PRKN: variants seen among roughly 807,000 people sequenced by gnomAD.
PRKN encodes the protein E3 ubiquitin-protein ligase parkin.
In PRKN, 56 loss-of-function variants were observed where a neutral mutation model predicts 59.5. That is an observed-to-expected ratio of 0.94 (90% confidence interval 0.76 to 1.18). PRKN has a LOEUF of 1.18. Among genes scored for constraint, PRKN ranks in the 50% most tolerant of loss-of-function variants. The probability of loss-of-function intolerance (pLI) is 0.00; values close to 1 mark genes in which losing one functional copy is unlikely to be tolerated. For missense variants in PRKN, 657 were observed against 596.4 expected (o/e 1.10, Z -1.06); for synonymous variants, 250 against 222.1 (o/e 1.13, Z -1.12).
chr6:161,370,607 A>AAAAAAAAAAG (rs1296571210), intron 10 of PRKN, among the ~76,000 whole-genome samples: 1 of 150,852 alleles, frequency 6.6e-6, no homozygotes, highest in African/African-American at 2.4e-5. Context: ...AAAAAAAAAA[A>AAAAAAAAAAG]AAAAGCCGAA....
intron 4 of PRKN, among the ~76,000 whole-genome samples, chr6:162,184,626 C>A (rs746002807): frequency 1.3e-5 from 2 of 152,128 alleles, no homozygotes; most frequent in East Asian, 3.9e-4. Context: ...CCTAGCCATG[C>A]GGAACTGTGA....
At chr6:161,418,252 GAGA>G (rs1311483808) in intron 9 of PRKN, among the ~76,000 whole-genome samples, 1 of 152,240 alleles carries the variant, frequency 6.6e-6, no homozygotes, top group Non-Finnish European at 1.5e-5. Context: ...ACTCCACGGA[GAGA>G]AGAAGAACAG....
At chr6:162,169,291 C>T (rs1313570650) in intron 4 of PRKN, among the ~76,000 whole-genome samples, 2 of 152,164 alleles carry the variant, frequency 1.3e-5, no homozygotes, top group Non-Finnish European at 2.9e-5. Flanking sequence ...AATCATTTAG[C>T]ATTTCTTTCC....
At chr6:162,595,417 G>A (rs1237559422) in intron 1 of PRKN, among the ~76,000 whole-genome samples, 3 of 151,602 alleles carry the variant, frequency 2.0e-5, no homozygotes, top group East Asian at 4.0e-4. Flanking sequence ...CACCACACCC[G>A]GCTAGTTTTT....
chr6:162,095,339 T>G (rs901248797), intron 4 of PRKN, among the ~76,000 whole-genome samples: 2 of 152,194 alleles, frequency 1.3e-5, no homozygotes, highest in Non-Finnish European at 2.9e-5. Flanking sequence ...GGTTTCATTC[T>G]TATTGCCCTT....
At position 162,008,164 on chromosome 6, in the gene PRKN, A is replaced by G. The variant is rs139251748; in HGVS notation, c.619-34747T>C. On this transcript the variant is annotated intron_variant, in intron 5 of 11. Coordinates refer to ENST00000366898, the MANE Select transcript of PRKN (RefSeq NM_004562.3). ...AAGTTTACTATGAAAATTCCTGTAA[A>G]CTCTCAGGAGACTATAGAAGTCAAG... is the stretch of plus-strand genomic sequence containing the variant. Among the ~76,000 whole-genome samples, 61 of 152,232 alleles carry G rather than the reference A, an allele frequency of 4.0e-4. No individual in the cohort carries two copies. In the East Asian group the frequency reaches 0.011, roughly 28 times the overall value.
intron 5 of PRKN, among the ~76,000 whole-genome samples, chr6:161,984,727 A>C (rs1409498636): frequency 6.6e-6 from 1 of 152,178 alleles, no homozygotes; most frequent in African/African-American, 2.4e-5. Flanking sequence ...AATTTTTCAG[A>C]GCAAATGCTT....
At chr6:162,182,079 C>A (rs2128323371) in intron 4 of PRKN, among the ~76,000 whole-genome samples, 1 of 151,956 alleles carries the variant, frequency 6.6e-6, no homozygotes, top group Non-Finnish European at 1.5e-5. Context: ...AAGAAAGGAA[C>A]TGCATGCAAA....
rs1371264287 is a variant in PRKN, at chr6:161,407,309, T to C, written c.1084-20432A>G. 6.6e-6 allele frequency among the ~76,000 whole-genome samples: 1 copy of C among 151,924 alleles called. No homozygotes were observed. Among genetic ancestry groups the C allele is most frequent in the Admixed American group, 6.6e-5 (1 of 15,250 alleles). On this transcript the variant is annotated intron_variant, in intron 9 of 11. Transcript: ENST00000366898. The surrounding 1 kb of genome is among the most constrained non-coding windows in gnomAD (Gnocchi z 4.9). ...AATAAGAAACAATATTGCTTCTCAT[T>C]TGGCAAAGCTGAAAAGGGAGGGGCT... is the stretch of plus-strand genomic sequence containing the variant.
Position 162,503,136 on chromosome 6 carries a change from C to CTTTTTTTTTTTTTT in PRKN, c.8-59677_8-59664dup, listed in dbSNP as rs10629175. Among the ~76,000 whole-genome samples the CTTTTTTTTTTTTTT allele has an allele frequency of 1.4e-3, 117 of 81,092 alleles. 3 individuals are homozygous for CTTTTTTTTTTTTTT. Among genetic ancestry groups the CTTTTTTTTTTTTTT allele is most frequent in the African/African-American group, 5.4e-3 (108 of 19,914 alleles). 53.2% of individuals were successfully genotyped at this position (81,092 alleles called of 152,430 possible). A position where few individuals can be genotyped will look rare whatever the true frequency, so the allele number is the denominator to read the frequency against. ...ACCCTACAGAAAATAGTCTTCATTT[C>CTTTTTTTTTTTTTT]TTTTTTTTTTTTTTTTTTTTTTTGT... On this transcript the variant is annotated intron_variant, in intron 1 of 11. Coordinates refer to ENST00000366898, the MANE Select transcript of PRKN (RefSeq NM_004562.3).
intron 4 of PRKN, among the ~76,000 whole-genome samples, chr6:162,072,724 G>C (rs777869891): frequency 6.6e-6 from 1 of 152,124 alleles, no homozygotes; most frequent in African/African-American, 2.4e-5. Flanking sequence ...ACTGGGTTTC[G>C]AATCTAATGG....
intron 7 of PRKN, among the ~76,000 whole-genome samples, chr6:161,583,315 A>C (rs956078725): frequency 3.3e-5 from 5 of 152,186 alleles, no homozygotes; most frequent in African/African-American, 1.2e-4. Flanking sequence ...CTAAAAAGAC[A>C]ATGTTTAAGC....
intron 1 of PRKN, among the ~76,000 whole-genome samples, chr6:162,586,860 GA>G (rs1469270906): frequency 6.6e-6 from 1 of 152,170 alleles, no homozygotes; most frequent in Non-Finnish European, 1.5e-5. Context: ...ATTATTTAAA[GA>G]AATGAGTTCA....
At chr6:161,927,818 T>C (rs1217312461) in intron 6 of PRKN, among the ~76,000 whole-genome samples, 5 of 151,680 alleles carry the variant, frequency 3.3e-5, no homozygotes, top group Non-Finnish European at 5.9e-5. Flanking sequence ...CCATAGTAAA[T>C]GTCTCAATGA....
chr6:161,517,150 G>C (rs1182809356), intron 9 of PRKN, among the ~76,000 whole-genome samples: 1 of 152,178 alleles, frequency 6.6e-6, no homozygotes, highest in Non-Finnish European at 1.5e-5. Flanking sequence ...AAAATGAGTA[G>C]ATGACTTCTT....
intron 2 of PRKN, among the ~76,000 whole-genome samples, chr6:162,325,597 T>A (rs2128123142): frequency 6.6e-6 from 1 of 152,218 alleles, no homozygotes; most frequent in East Asian, 1.9e-4. Flanking sequence ...ACCTACAAAC[T>A]AAGTCTGCAG....
intron 1 of PRKN, among the ~76,000 whole-genome samples, chr6:162,503,174 G>A (rs1215099186): frequency 5.4e-5 from 7 of 129,104 alleles, no homozygotes; most frequent in Non-Finnish European, 8.1e-5. Flanking sequence ...GCCGGGGGGT[G>A]TTTTTTTAGA....
At chr6:161,920,814 G>A (rs111627718) in intron 6 of PRKN, among the ~76,000 whole-genome samples, 1,900 of 151,714 alleles carry the variant, frequency 0.013, 38 homozygotes, top group African/African-American at 0.042. Context: ...ACGTACCCCT[G>A]AATAGGACAC....
chr6:161,948,393 G>A (rs1438294089), intron 6 of PRKN, among the ~76,000 whole-genome samples: 1 of 152,182 alleles, frequency 6.6e-6, no homozygotes, highest in Non-Finnish European at 1.5e-5. Flanking sequence ...CCTGCTTCCT[G>A]CCACTCACTT....
Sources: gnomAD v4.1 joint callset for allele counts (sites outside exome capture counted in the v4.1 genomes callset) on GRCh38, gnomAD v4.1.1 for gene constraint, Gnocchi (gnomAD v3.1) non-coding constraint, MANE v1.5 for transcripts, NCBI Gene and HGNC (gene_info 2026-07-23, HGNC 2026-07-21) for gene names.